UBE4A: variants seen among roughly 807,000 people sequenced by gnomAD.
UBE4A encodes the protein ubiquitin conjugation factor E4 A.
A neutral mutation model predicts 117.9 loss-of-function variants in UBE4A; 48 were observed. The observed-to-expected ratio is 0.41, with a 90% CI of 0.32 to 0.52. The LOEUF is 0.52. Ranked by LOEUF, UBE4A falls within the 20% of genes least tolerant of loss-of-function variation. The pLI is 0.33. For synonymous variants in UBE4A, 407 were observed against 450.0 expected (o/e 0.90, Z 1.21); for missense variants, 1,067 against 1,296.3 (o/e 0.82, Z 2.72).
chr11:118,389,102 G>C (rs1360634031), intron 16 of UBE4A, among the ~76,000 whole-genome samples: 3 of 152,190 alleles, frequency 2.0e-5, no homozygotes, highest in Admixed American at 1.3e-4. Context: ...GACCAGCCTG[G>C]GCAATATAGT....
At chr11:118,385,756 C>T (rs782766374) in intron 15 of UBE4A, among the ~76,000 whole-genome samples, 32 of 152,190 alleles carry the variant, frequency 2.1e-4, no homozygotes, top group Non-Finnish European at 3.8e-4. Context: ...CCCTGAGTAG[C>T]TTGTGTTTAA....
intron 18 of UBE4A, 69 bp downstream of exon 18, chr11:118,390,873 A>G: frequency 6.4e-7 from 1 of 1,573,326 alleles, no homozygotes; most frequent in Non-Finnish European, 8.7e-7. Context: ...ATGATGGCTC[A>G]AGCCTGTAGT....
Position 118,390,757 on chromosome 11 carries a change from C to T in UBE4A, c.2869C>T (p.Pro957Ser). Residue 957 changes from proline (P) to serine (S), a missense_variant, in exon 18 of 20, where the codon CCT becomes TCT. Coordinates refer to ENST00000252108, the MANE Select transcript of UBE4A (RefSeq NM_001204077.2). ...TVRVLKKINK[P>S]GNMIMAFSNL... Reference sequence around the variant, plus strand: ...TCGAGTCTTGAAGAAAATAAATAAGCCTGGGAATATGATTATGGCTTTCAG... The same window carrying T: ...TCGAGTCTTGAAGAAAATAAATAAGTCTGGGAATATGATTATGGCTTTCAG... The T allele has an allele frequency of 1.9e-6, 3 of 1,608,676 alleles. No individual in the cohort carries two copies. The highest frequency in any genetic ancestry group is 2.5e-6 in the Non-Finnish European group (3 of 1,177,528).
At position 118,376,579 on chromosome 11, in the gene UBE4A, G is replaced by A. The variant is rs528239024; in HGVS notation, c.1456G>A (p.Asp486Asn). The A allele has an allele frequency of 6.2e-7, 1 of 1,612,534 alleles. No homozygotes were observed. The highest frequency in any genetic ancestry group is 2.2e-5 in the East Asian group (1 of 44,856). The change falls in exon 10 of 20, where the codon GAC (aspartate) becomes AAC (asparagine). Residue 486 changes from aspartate (D) to asparagine (N), a missense_variant. Asp to Asn is a conservative substitution (Grantham distance 23). Transcript: ENST00000252108. ...TTTTTTTTAACTTCTTTGAGGTTTG[G>A]ACAAAGAAACCTGTTTGATCCCAGC... ...KIKNVHMRGL[D>N]KETCLIPAVQ...
intron 16 of UBE4A, among the ~76,000 whole-genome samples, chr11:118,388,257 T>G (rs147876627): frequency 3.3e-5 from 5 of 152,282 alleles, no homozygotes; most frequent in African/African-American, 1.2e-4. Context: ...AAACATAGCA[T>G]TATGATACTG....
At chr11:118,375,701 C>A (rs1948646972) in intron 9 of UBE4A, among the ~76,000 whole-genome samples, 2 of 151,922 alleles carry the variant, frequency 1.3e-5, no homozygotes, top group Non-Finnish European at 2.9e-5. Context: ...AAAAAAAACA[C>A]CTGGTAGCTT....
intron 1 of UBE4A, among the ~76,000 whole-genome samples, chr11:118,364,230 CAGAA>C (rs1199070090): frequency 6.6e-6 from 1 of 151,978 alleles, no homozygotes; most frequent in Non-Finnish European, 1.5e-5. Flanking sequence ...GAAATGTAAT[CAGAA>C]GAGTGTGAAT....
Position 118,398,930 on chromosome 11 carries a change from G to A in UBE4A, c.*2490G>A, listed in dbSNP as rs1555130331. Reference sequence around the variant, plus strand: ...AAAAGCTTCATTACTTTATTTGATGGTGGTTGCTAAGCAGCCATTGCACAG... The same window carrying A: ...AAAAGCTTCATTACTTTATTTGATGATGGTTGCTAAGCAGCCATTGCACAG... On this transcript the variant is annotated 3_prime_UTR_variant, in exon 20 of 20. Transcript: ENST00000252108. 1 of 297,300 alleles carries A rather than the reference G, an allele frequency of 3.4e-6. No homozygotes were observed. Among genetic ancestry groups the A allele is most frequent in the Non-Finnish European group, 7.1e-6 (1 of 141,528 alleles). 18.4% of individuals were successfully genotyped at this position (297,300 alleles called of 1,614,324 possible).
intron 3 of UBE4A, among the ~76,000 whole-genome samples, chr11:118,369,174 C>T (rs1948588534): frequency 6.6e-6 from 1 of 152,056 alleles, no homozygotes; most frequent in African/African-American, 2.4e-5. Flanking sequence ...GTTTAAACCC[C>T]AAGGTTGGTA....
chr11:118,359,789 C>T (rs1235142097), intron 1 of UBE4A, 115 bp downstream of exon 1: 1 of 152,450 alleles, frequency 6.6e-6, no homozygotes, highest in Non-Finnish European at 1.5e-5. Flanking sequence ...AATTCCTTCT[C>T]CTATGCTTTG....
At position 118,382,698 on chromosome 11, in the gene UBE4A, C is replaced by T; in HGVS notation, c.2119C>T (p.Arg707Cys). The change falls in exon 13 of 20, where the codon CGT becomes TGT. Residue 707 changes from arginine to cysteine, a missense_variant. Arg to Cys is a radical substitution (Grantham distance 180). Transcript: ENST00000252108. ...PLVSSVFHRK[R>C]VFCNFQYAPQ... ...GGTATCCAGTGTGTTCCACCGGAAACGTGTGTTCTGCAACTTTCAGTATGC... is the reference window on the plus strand; with the variant it reads ...GGTATCCAGTGTGTTCCACCGGAAATGTGTGTTCTGCAACTTTCAGTATGC... 16 of 1,605,330 alleles carry T rather than the reference C, an allele frequency of 1.0e-5. No homozygotes were observed. Among genetic ancestry groups the T allele is most frequent in the Non-Finnish European group, 1.4e-5 (16 of 1,175,304 alleles).
Position 118,365,097 on chromosome 11 carries a change from A to G in UBE4A, c.17A>G (p.Asn6Ser). MTDQE[N>S]NNNISSNPFA... ...TAAAGTGAAATGACAGACCAGGAGA[A>G]TAACAACAACATCTCAAGTAACCCC... Residue 6 changes from asparagine (N) to serine (S), a missense_variant, in exon 2 of 20, where the codon AAT (asparagine) becomes AGT (serine). Asn to Ser is a conservative substitution (Grantham distance 46). This residue lies in a region of UBE4A where 1,001 missense variants were observed against 1,184.0 expected (regional missense o/e 0.85). Coordinates refer to ENST00000252108, the MANE Select transcript of UBE4A (RefSeq NM_001204077.2). 1 of 1,614,022 alleles carries G rather than the reference A, an allele frequency of 6.2e-7. No homozygotes were observed. Among genetic ancestry groups the G allele is most frequent in the Non-Finnish European group, 8.5e-7 (1 of 1,179,966 alleles).
chr11:118,385,800 A>G (rs563724008), intron 15 of UBE4A, among the ~76,000 whole-genome samples: 2 of 152,328 alleles, frequency 1.3e-5, no homozygotes, highest in South Asian at 4.1e-4. Context: ...TTTCTTCATA[A>G]TCCTACGCTT....
chr11:118,392,953 T>C, intron 19 of UBE4A, 58 bp downstream of exon 19: 2 of 1,552,896 alleles, frequency 1.3e-6, no homozygotes, highest in Admixed American at 3.8e-5. Flanking sequence ...TTGCTATCTT[T>C]TTCTCCCAGG....
Position 118,364,904 on chromosome 11 carries a change from A to T in UBE4A, c.-41-136A>T, listed in dbSNP as rs2276420. The T allele has an allele frequency of 1.5e-3, 1,290 of 866,058 alleles. 25 individuals are homozygous for T. In the East Asian group the frequency reaches 0.035, roughly 23 times the overall value. 53.6% of individuals were successfully genotyped at this position (866,058 alleles called of 1,614,324 possible). On this transcript the variant is annotated intron_variant, in intron 1 of 19. Coordinates refer to ENST00000252108, the MANE Select transcript of UBE4A (RefSeq NM_001204077.2). ...TGCCAAAAATGTCTTGAGTTTGGGGACAGGAATTGGAAAATCTTAACCCAA... is the reference window on the plus strand; with the variant it reads ...TGCCAAAAATGTCTTGAGTTTGGGGTCAGGAATTGGAAAATCTTAACCCAA...
intron 8 of UBE4A, among the ~76,000 whole-genome samples, chr11:118,373,900 A>G (rs1275888235): frequency 6.6e-6 from 1 of 152,156 alleles, no homozygotes; most frequent in Non-Finnish European, 1.5e-5. Flanking sequence ...TGAGCCCAGG[A>G]GTTCAATTTG....
chr11:118,391,288 A>G (rs1043129895), intron 18 of UBE4A, among the ~76,000 whole-genome samples: 2 of 152,078 alleles, frequency 1.3e-5, no homozygotes, highest in African/African-American at 4.8e-5. Flanking sequence ...CAGGAGTTCA[A>G]CACCAGCCTG....
In UBE4A at chr11:118,379,638, G is replaced by A. The variant is rs781818616; in HGVS notation, c.1764G>A (p.Gln588=). Residue 588 remains glutamine, a synonymous_variant, in exon 11 of 20, where the codon CAG becomes CAA. Transcript: ENST00000252108. The part of the protein sequence containing the change: ...PQMLQNCLNL[Q]VSMAVLLVQL... ...TGCTACAAAACTGCCTAAACTTGCAGGTGTCCATGGCTGTTCTACTGGTTC... is the reference window on the plus strand; with the variant it reads ...TGCTACAAAACTGCCTAAACTTGCAAGTGTCCATGGCTGTTCTACTGGTTC... 2 of 1,614,216 alleles carry A rather than the reference G, an allele frequency of 1.2e-6. No homozygotes were observed. Among genetic ancestry groups the A allele is most frequent in the South Asian group, 2.2e-5 (2 of 91,084 alleles).
rs1396784100 is a variant in UBE4A, at chr11:118,371,543, T to C, written c.438T>C (p.Asp146=). 2 of 1,613,776 alleles carry C rather than the reference T, an allele frequency of 1.2e-6. 1 individual carries two copies. The highest frequency in any genetic ancestry group is 2.2e-5 in the South Asian group (2 of 91,062). Residue 146 remains aspartate (D), a synonymous_variant, in exon 5 of 20, where the codon GAT becomes GAC. Transcript: ENST00000252108. ...TCTTCGCTCGCTTATTACTTCAAGA[T>C]CCAGGCAACCACTTAATTAACATGA... is the stretch of plus-strand genomic sequence containing the variant. ...QALFARLLLQ[D]PGNHLINMTS... is the part of the protein sequence containing the mutation.
Sources: gnomAD v4.1 joint callset for allele counts (sites outside exome capture counted in the v4.1 genomes callset) on GRCh38, gnomAD v4.1.1 for gene constraint, gnomAD v4.1.1 regional missense constraint, MANE v1.5 for transcripts, NCBI Gene and HGNC (gene_info 2026-07-23, HGNC 2026-07-21) for gene names.